The following TASP1 variants were observed in gnomAD, a reference collection of about 807,000 sequenced individuals.
TASP1 encodes the protein taspase 1.
TASP1 carries 16 observed loss-of-function variants against 56.6 expected under a neutral mutation model. That is an observed-to-expected ratio of 0.28 (90% CI 0.19 to 0.43). TASP1 has a LOEUF of 0.43. Ranked by LOEUF, TASP1 falls within the 20% of genes least tolerant of loss-of-function variation. TASP1 has a pLI of 1.00. For synonymous variants in TASP1, 179 were observed against 184.2 expected (o/e 0.97, Z 0.23); for missense variants, 393 against 511.6 (o/e 0.77, Z 2.24).
chr20:13,246,511 A>G, the TASP1 span, among the ~76,000 whole-genome samples: 2 of 152,210 alleles, frequency 1.3e-5, no homozygotes, highest in East Asian at 1.9e-4. Context: ...AGCTACTTGC[A>G]TATGGAAAGT....
chr20:13,601,810 A>C (rs1319160356), intron 4 of TASP1, among the ~76,000 whole-genome samples: 1 of 150,482 alleles, frequency 6.6e-6, no homozygotes, highest in African/African-American at 2.4e-5. Context: ...TTGATATCGT[A>C]TGATGAGAAT....
At chr20:13,519,737 C>T (rs1341598527) in intron 10 of TASP1, among the ~76,000 whole-genome samples, 1 of 152,146 alleles carries the variant, frequency 6.6e-6, no homozygotes, top group Non-Finnish European at 1.5e-5. Flanking sequence ...TCTCTCACCA[C>T]TCCTATTTAA....
chr20:13,577,246 C>T (rs1476573164), intron 6 of TASP1, among the ~76,000 whole-genome samples: 3 of 151,978 alleles, frequency 2.0e-5, no homozygotes, highest in East Asian at 1.9e-4. Context: ...GATCATAAGA[C>T]GTTGTAGGTA....
chr20:13,470,929 C>T (rs1469600755), intron 11 of TASP1, among the ~76,000 whole-genome samples: 3 of 152,110 alleles, frequency 2.0e-5, no homozygotes, highest in Non-Finnish European at 4.4e-5. Flanking sequence ...GAAACAAGAT[C>T]CCTTCTATCT....
At chr20:13,405,721 T>A (rs2041892468) in intron 13 of TASP1, among the ~76,000 whole-genome samples, 1 of 150,916 alleles carries the variant, frequency 6.6e-6, no homozygotes. Context: ...TAATTTTTTT[T>A]TTTTTTTTGT....
intron 8 of TASP1, among the ~76,000 whole-genome samples, chr20:13,537,168 C>G (rs2045449172): frequency 6.6e-6 from 1 of 152,044 alleles, no homozygotes; most frequent in African/African-American, 2.4e-5. Flanking sequence ...AACTGTTATA[C>G]CTAACCAAAC....
At chr20:13,202,950 A>G in the TASP1 span, among the ~76,000 whole-genome samples, 18 of 152,236 alleles carry the variant, frequency 1.2e-4, no homozygotes, top group African/African-American at 4.3e-4. Flanking sequence ...CTGCAAGCAG[A>G]ACTTAACATA....
At chr20:13,393,639 G>A (rs2123584354) in intron 13 of TASP1, 5 of 1,285,798 alleles carry the variant, frequency 3.9e-6, no homozygotes, top group Non-Finnish European at 5.6e-6. Flanking sequence ...CAATATGGTG[G>A]TGGACCTCAT....
chr20:13,240,064 C>T, the TASP1 span, among the ~76,000 whole-genome samples: 1 of 152,168 alleles, frequency 6.6e-6, no homozygotes, highest in East Asian at 1.9e-4. Flanking sequence ...TAATATACAA[C>T]CAAACTGCAG....
chr20:13,313,648 T>C, the TASP1 span, among the ~76,000 whole-genome samples: 3 of 152,220 alleles, frequency 2.0e-5, no homozygotes, highest in Non-Finnish European at 2.9e-5. Flanking sequence ...CATTTCTTCT[T>C]TTAACACACC....
At chr20:13,150,339 A>G in the TASP1 span, among the ~76,000 whole-genome samples, 2 of 152,182 alleles carry the variant, frequency 1.3e-5, no homozygotes, top group Non-Finnish European at 2.9e-5. Flanking sequence ...TTGTTTTTTT[A>G]GCACAAAGGA....
chr20:13,471,384 CA>C (rs1448546527), intron 11 of TASP1, among the ~76,000 whole-genome samples: 1 of 152,136 alleles, frequency 6.6e-6, no homozygotes, highest in Non-Finnish European at 1.5e-5. Context: ...TGGTCAAAAC[CA>C]ATGCCATTCT....
intron 13 of TASP1, among the ~76,000 whole-genome samples, chr20:13,411,101 T>G (rs1256166588): frequency 6.6e-6 from 1 of 152,202 alleles, no homozygotes; most frequent in Non-Finnish European, 1.5e-5. Context: ...TTCCCCAATG[T>G]ACGTTCTTAG....
At chr20:13,520,916 C>T (rs537383617) in intron 10 of TASP1, among the ~76,000 whole-genome samples, 2 of 152,082 alleles carry the variant, frequency 1.3e-5, no homozygotes, top group African/African-American at 4.8e-5. Flanking sequence ...TGAACTCCAA[C>T]AAATTTACAA....
chr20:13,468,865 GT>G (rs59010427), intron 11 of TASP1, among the ~76,000 whole-genome samples: 3,758 of 142,614 alleles, frequency 0.026, 147 homozygotes, highest in African/African-American at 0.087. Flanking sequence ...ATGTGTGTGT[GT>G]TTTTTTTTTT....
the TASP1 span, among the ~76,000 whole-genome samples, chr20:13,377,524 C>T: frequency 6.6e-6 from 1 of 152,180 alleles, no homozygotes; most frequent in Non-Finnish European, 1.5e-5. Context: ...GGATATTGGA[C>T]TGAAATTTTC....
the TASP1 span, among the ~76,000 whole-genome samples, chr20:13,156,468 G>A: frequency 2.6e-5 from 4 of 152,160 alleles, no homozygotes; most frequent in African/African-American, 9.6e-5. Flanking sequence ...AAAGAAATTT[G>A]ATTCTTCCTC....
the TASP1 span, among the ~76,000 whole-genome samples, chr20:13,126,342 T>TA: frequency 6.6e-6 from 1 of 152,362 alleles, no homozygotes; most frequent in East Asian, 1.9e-4. Context: ...GGTTTTGCCT[T>TA]AAAGTTCAAC....
At chr20:13,439,703 C>A (rs186509138) in intron 11 of TASP1, among the ~76,000 whole-genome samples, 3 of 151,740 alleles carry the variant, frequency 2.0e-5, no homozygotes, top group Non-Finnish European at 4.4e-5. Flanking sequence ...AAAATTTGGG[C>A]AAGTGTCCTG....
Sources: gnomAD v4.1 joint callset for allele counts (sites outside exome capture counted in the v4.1 genomes callset) on GRCh38, gnomAD v4.1.1 for gene constraint, MANE v1.5 for transcripts, NCBI Gene and HGNC (gene_info 2026-07-23, HGNC 2026-07-21) for gene names.